PPP3CA: variants seen among roughly 807,000 people sequenced by gnomAD.
PPP3CA encodes the protein CAM-PRP catalytic subunit.
PPP3CA carries 14 observed loss-of-function variants against 66.5 expected under a neutral mutation model. That is an observed-to-expected ratio of 0.21 (90% CI 0.14 to 0.33). The LOEUF is 0.33. Among genes scored for constraint, PPP3CA ranks in the 10% least tolerant of loss-of-function variants. PPP3CA has a pLI of 1.00. For missense variants in PPP3CA, 317 were observed against 639.5 expected (o/e 0.50, Z 5.44); for synonymous variants, 232 against 226.2 (o/e 1.03, Z -0.23).
intron 1 of PPP3CA, among the ~76,000 whole-genome samples, chr4:101,333,029 A>T (rs934196928): frequency 6.6e-6 from 1 of 151,678 alleles, no homozygotes; most frequent in Admixed American, 6.6e-5. Flanking sequence ...AAAGTCTATG[A>T]TTCTATCTCA....
intron 1 of PPP3CA, among the ~76,000 whole-genome samples, chr4:101,270,445 TAAAAATATGTTTAAAGACACAAAC>T (rs904171294): frequency 1.3e-5 from 2 of 152,160 alleles, no homozygotes; most frequent in Non-Finnish European, 2.9e-5. Flanking sequence ...CATACGTTCC[TAAAAATATGTTTAAAGACACAAAC>T]AAAAATATGT....
intron 2 of PPP3CA, among the ~76,000 whole-genome samples, chr4:101,171,736 T>C (rs1280153823): frequency 1.3e-5 from 2 of 152,180 alleles, no homozygotes; most frequent in African/African-American, 2.4e-5. Context: ...TTAATTTACT[T>C]GGTAAAAAAC....
chr4:101,324,639 T>C (rs1729155961), intron 1 of PPP3CA, among the ~76,000 whole-genome samples: 2 of 151,916 alleles, frequency 1.3e-5, no homozygotes, highest in Admixed American at 6.6e-5. Flanking sequence ...TGGTATTCCA[T>C]ATCTCCCTGC....
At chr4:101,214,508 G>A (rs2110207973) in intron 1 of PPP3CA, among the ~76,000 whole-genome samples, 1 of 152,176 alleles carries the variant, frequency 6.6e-6, no homozygotes, top group South Asian at 2.1e-4. Flanking sequence ...CAAGACTAAT[G>A]ATAGGCCACC....
At chr4:101,276,453 G>T (rs1346189057) in intron 1 of PPP3CA, among the ~76,000 whole-genome samples, 1 of 152,096 alleles carries the variant, frequency 6.6e-6, no homozygotes, top group Non-Finnish European at 1.5e-5. Context: ...AATAGTTTCA[G>T]TCTTTAGTTC....
intron 1 of PPP3CA, among the ~76,000 whole-genome samples, chr4:101,260,965 G>C (rs1278224430): frequency 6.6e-6 from 1 of 152,110 alleles, no homozygotes; most frequent in East Asian, 1.9e-4. Context: ...AAAGGGGTTA[G>C]AGGTATCATT....
chr4:101,208,018 C>T (rs73833270), intron 1 of PPP3CA, among the ~76,000 whole-genome samples: 5,224 of 152,166 alleles, frequency 0.034, 316 homozygotes, highest in African/African-American at 0.12. Context: ...GCATGATGGG[C>T]AGTCATTTAG....
intron 1 of PPP3CA, among the ~76,000 whole-genome samples, chr4:101,280,379 A>G (rs1578624508): frequency 6.6e-6 from 1 of 152,176 alleles, no homozygotes. Context: ...AATATCAAGA[A>G]GGCCACCATT....
At chr4:101,203,843 C>A (rs1227959092) in intron 1 of PPP3CA, among the ~76,000 whole-genome samples, 1 of 152,072 alleles carries the variant, frequency 6.6e-6, no homozygotes, top group East Asian at 1.9e-4. Context: ...ATTACAATTG[C>A]AAATGGCTTA....
intron 1 of PPP3CA, among the ~76,000 whole-genome samples, chr4:101,344,641 T>C (rs1729921144): frequency 6.6e-6 from 1 of 152,198 alleles, no homozygotes; most frequent in Non-Finnish European, 1.5e-5. Context: ...TGGTACAGTA[T>C]TGAAAAAAAG....
intron 10 of PPP3CA, among the ~76,000 whole-genome samples, chr4:101,057,268 G>A (rs1275469718): frequency 6.6e-6 from 1 of 152,064 alleles, no homozygotes; most frequent in Non-Finnish European, 1.5e-5. Flanking sequence ...TGTTGGCCAG[G>A]CTAGTCTCCA....
chr4:101,134,744 A>G (rs1000762622), intron 2 of PPP3CA, among the ~76,000 whole-genome samples: 2 of 152,264 alleles, frequency 1.3e-5, no homozygotes, highest in Non-Finnish European at 2.9e-5. Context: ...TACCCAAAGA[A>G]TAATAAATCA....
intron 2 of PPP3CA, among the ~76,000 whole-genome samples, chr4:101,185,778 T>C (rs1009517128): frequency 5.3e-5 from 8 of 152,174 alleles, no homozygotes; most frequent in Admixed American, 1.3e-4. Context: ...TGCCTGGCCT[T>C]GAGTAATATT....
chr4:101,295,001 G>A lies in PPP3CA; in HGVS notation c.58+51738C>T, dbSNP rs534361694. Among the ~76,000 whole-genome samples, 17 of 152,330 alleles carry A rather than the reference G, an allele frequency of 1.1e-4. No homozygotes were observed. In the East Asian group the frequency reaches 2.9e-3, roughly 26 times the overall value. ...AAAAAGGGCTACTGGTATACTTGGT[G>A]TGAAAGTATATTCACTCGGGCCGGG... On this transcript the variant is annotated intron_variant, in intron 1 of 13. Transcript: ENST00000394854.
chr4:101,299,107 T>G (rs1038020593), intron 1 of PPP3CA, among the ~76,000 whole-genome samples: 2 of 64,422 alleles, frequency 3.1e-5, no homozygotes, highest in Admixed American at 2.0e-4. Flanking sequence ...CCATATATCG[T>G]TTTTTTTTTT....
At chr4:101,088,758 T>C (rs945709801) in intron 6 of PPP3CA, among the ~76,000 whole-genome samples, 1 of 151,762 alleles carries the variant, frequency 6.6e-6, no homozygotes, top group African/African-American at 2.4e-5. Flanking sequence ...ACTAATGAAA[T>C]TGGAAGCAGA....
At chr4:101,184,770 T>C (rs984769347) in intron 2 of PPP3CA, among the ~76,000 whole-genome samples, 2 of 152,082 alleles carry the variant, frequency 1.3e-5, no homozygotes, top group African/African-American at 4.8e-5. Flanking sequence ...ATAAAACCTT[T>C]AGTATATTGT....
intron 1 of PPP3CA, among the ~76,000 whole-genome samples, chr4:101,266,408 T>C (rs1221670659): frequency 6.6e-6 from 1 of 152,196 alleles, no homozygotes; most frequent in African/African-American, 2.4e-5. Context: ...AATTTAGATA[T>C]GGCCCTAGCT....
intron 8 of PPP3CA, among the ~76,000 whole-genome samples, chr4:101,076,873 C>T (rs1046015321): frequency 6.6e-6 from 1 of 152,162 alleles, no homozygotes; most frequent in Non-Finnish European, 1.5e-5. Flanking sequence ...TGTTTCAAAG[C>T]GATTTCATGC....
Sources: gnomAD v4.1 joint callset for allele counts (sites outside exome capture counted in the v4.1 genomes callset) on GRCh38, gnomAD v4.1.1 for gene constraint, MANE v1.5 for transcripts, NCBI Gene and HGNC (gene_info 2026-07-23, HGNC 2026-07-21) for gene names.